The following STK17B variants were observed in gnomAD, a reference collection of about 807,000 sequenced individuals.
The protein encoded by STK17B is serine/threonine-protein kinase 17B.
Under a neutral mutation model 42.0 loss-of-function variants are expected in STK17B, and 21 were observed. The ratio of observed to expected loss-of-function variants is 0.50; its 90% CI spans 0.35 to 0.72. The LOEUF (loss-of-function observed/expected upper bound fraction) is 0.72. Among genes scored for constraint, STK17B ranks in the 30% least tolerant of loss-of-function variants. The pLI, the probability that STK17B is intolerant of heterozygous loss-of-function variation, is 0.00. For missense variants in STK17B, 349 were observed against 446.0 expected, an observed-to-expected ratio of 0.78 and a Z score of 1.96; for synonymous variants, 143 against 148.4, an observed-to-expected ratio of 0.96 and a Z score of 0.26.
intron 3 of STK17B, among the ~76,000 whole-genome samples, chr2:196,152,846 T>C (rs543385069): frequency 1.3e-5 from 2 of 152,248 alleles, no homozygotes; most frequent in South Asian, 2.1e-4. Flanking sequence ...ATAGGTATGG[T>C]TGGAAGAGAG....
At chr2:196,171,717 G>T, upstream of STK17B, 1 of 151,304 alleles carries the variant, frequency 6.6e-6, no homozygotes, top group South Asian at 1.8e-4. Flanking sequence ...GCGCGTGTGC[G>T]GGGCGGGGCC....
At position 196,139,357 on chromosome 2, in the gene STK17B, T is replaced by C. The variant is rs187259742; in HGVS notation, c.836+263A>G. On this transcript the variant is annotated intron_variant, in intron 7 of 7. Coordinates refer to ENST00000263955, the MANE Select transcript of STK17B (RefSeq NM_004226.4). ...TTCTATGACTAATTATTTTAGGTAA[T>C]TTCAGGGATTAGTAGTGGTTTGTGA... is the stretch of plus-strand genomic sequence containing the variant. Among the ~76,000 whole-genome samples the C allele has an allele frequency of 2.0e-3, 308 of 152,336 alleles. 1 individual carries two copies. The highest frequency in any genetic ancestry group is 6.9e-3 in the African/African-American group (288 of 41,566).
chr2:196,155,693 T>C (rs1252684043), intron 3 of STK17B, among the ~76,000 whole-genome samples: 2 of 152,186 alleles, frequency 1.3e-5, no homozygotes, highest in Admixed American at 1.3e-4. Context: ...GTTGCAGATG[T>C]TCAAACACAT....
At chr2:196,148,865 C>G (rs563940398) in intron 3 of STK17B, among the ~76,000 whole-genome samples, 2 of 152,212 alleles carry the variant, frequency 1.3e-5, no homozygotes, top group East Asian at 1.9e-4. Context: ...ATTCCCAGTG[C>G]CTAGGAAGAG....
chr2:196,162,352 G>A (rs1468083664), intron 2 of STK17B, among the ~76,000 whole-genome samples: 1 of 150,364 alleles, frequency 6.7e-6, no homozygotes, highest in Non-Finnish European at 1.5e-5. Context: ...TATGAAATAT[G>A]AATTCATTCT....
chr2:196,172,166 G>C (rs776491624), upstream of STK17B, among the ~76,000 whole-genome samples: 1 of 152,222 alleles, frequency 6.6e-6, no homozygotes, highest in Non-Finnish European at 1.5e-5. Flanking sequence ...AACGTCCGCT[G>C]TCGCGAATGG....
At chr2:196,155,082 T>C (rs907153308) in intron 3 of STK17B, among the ~76,000 whole-genome samples, 10 of 152,188 alleles carry the variant, frequency 6.6e-5, no homozygotes, top group South Asian at 2.1e-4. Flanking sequence ...TTTATGAAAA[T>C]AGTCAATGTT....
chr2:196,144,719 G>A (rs150539672), intron 4 of STK17B, among the ~76,000 whole-genome samples: 69 of 152,060 alleles, frequency 4.5e-4, no homozygotes, highest in Middle Eastern at 6.8e-3. Flanking sequence ...CTAAAACCAC[G>A]TGACTTTGCT....
At chr2:196,175,163 AC>A (rs1181751071), upstream of STK17B, among the ~76,000 whole-genome samples, 1 of 151,992 alleles carries the variant, frequency 6.6e-6, no homozygotes, top group African/African-American at 2.4e-5. Context: ...AATTATTGAG[AC>A]ATTTTACTTC....
Position 196,136,598 on chromosome 2 carries a change from A to G in STK17B, c.*849T>C, listed in dbSNP as rs563496077. The G allele has an allele frequency of 1.3e-5, 2 of 152,210 alleles. No homozygotes were observed. The highest frequency in any genetic ancestry group is 4.1e-4 in the South Asian group (2 of 4,836). 9.4% of individuals were successfully genotyped at this position (152,210 alleles called of 1,614,324 possible). A position where few individuals can be genotyped will look rare whatever the true frequency, so the allele number is the denominator to read the frequency against. Reference sequence around the variant, plus strand: ...TCTGAGTGTGTCAACATTTTCTTCTATATTCAATTAATAAATATGTTTGAC... The same window carrying G: ...TCTGAGTGTGTCAACATTTTCTTCTGTATTCAATTAATAAATATGTTTGAC... On this transcript the variant is annotated 3_prime_UTR_variant, in exon 8 of 8. Coordinates refer to ENST00000263955, the MANE Select transcript of STK17B (RefSeq NM_004226.4).
At chr2:196,169,137 C>T (rs910700400) in intron 1 of STK17B, among the ~76,000 whole-genome samples, 5 of 139,630 alleles carry the variant, frequency 3.6e-5, no homozygotes, top group Admixed American at 3.1e-4. Context: ...AGTGCAGTGG[C>T]GTGATCTCGG....
intron 1 of STK17B, among the ~76,000 whole-genome samples, chr2:196,163,687 T>C (rs951062460): frequency 6.6e-6 from 1 of 152,112 alleles, no homozygotes; most frequent in Non-Finnish European, 1.5e-5. Context: ...ATAGTTATGA[T>C]AAAATTATAA....
chr2:196,165,503 T>G (rs759611914), intron 1 of STK17B: 1 of 152,246 alleles, frequency 6.6e-6, no homozygotes, highest in South Asian at 2.1e-4. Flanking sequence ...ATATTAGACA[T>G]AGCCCCTTCT....
At chr2:196,150,478 C>T (rs1424766584) in intron 3 of STK17B, among the ~76,000 whole-genome samples, 1 of 152,190 alleles carries the variant, frequency 6.6e-6, no homozygotes, top group Non-Finnish European at 1.5e-5. Flanking sequence ...TCTAGCTCTA[C>T]ATCTGTCTTT....
At chr2:196,152,467 C>G (rs759610535) in intron 3 of STK17B, among the ~76,000 whole-genome samples, 1 of 152,172 alleles carries the variant, frequency 6.6e-6, no homozygotes, top group Admixed American at 6.5e-5. Flanking sequence ...TTGACAACAT[C>G]TAATAAAACT....
chr2:196,139,792 C>A lies in STK17B; in HGVS notation c.664G>T (p.Gly222Cys). The A allele has an allele frequency of 1.5e-6, 2 of 1,369,302 alleles. No homozygotes were observed. Among genetic ancestry groups the A allele is most frequent in the Middle Eastern group, 2.0e-4 (1 of 5,122 alleles). 84.8% of individuals were successfully genotyped at this position (1,369,302 alleles called of 1,614,324 possible). ...GTTAACAACATATATGCTATTATAC[C>A]AATATTCCTGAAAAACAAGGGAGGG... The part of the protein sequence containing the change: ...ITTATDMWNI[G>C]IIAYMLLTHT... Residue 222 changes from glycine to cysteine, a missense_variant, in exon 7 of 8, where the codon GGT becomes TGT. Physicochemically the swap from Gly to Cys is radical, Grantham distance 159 (BLOSUM62 -3). This residue lies in a region of STK17B where 256 missense variants were observed against 347.7 expected (regional missense o/e 0.74). Transcript: ENST00000263955.
At chr2:196,146,366 T>A (rs1432738158) in intron 3 of STK17B, among the ~76,000 whole-genome samples, 1 of 152,008 alleles carries the variant, frequency 6.6e-6, no homozygotes, top group Non-Finnish European at 1.5e-5. Flanking sequence ...TAGCTGGGTG[T>A]GATGGCAGGT....
intron 3 of STK17B, among the ~76,000 whole-genome samples, chr2:196,146,789 C>A (rs887365652): frequency 2.0e-5 from 3 of 151,984 alleles, no homozygotes; most frequent in South Asian, 2.1e-4. Flanking sequence ...GTTACTACAC[C>A]CATTTTACAG....
chr2:196,133,634 G>A lies in STK17B; in HGVS notation c.*3813C>T, dbSNP rs754598676. 3 of 152,180 alleles carry A rather than the reference G, an allele frequency of 2.0e-5. No homozygotes were observed. Among genetic ancestry groups the A allele is most frequent in the Non-Finnish European group, 4.4e-5 (3 of 68,018 alleles). 9.4% of individuals were successfully genotyped at this position (152,180 alleles called of 1,614,324 possible). A position where few individuals can be genotyped will look rare whatever the true frequency, so the allele number is the denominator to read the frequency against. On this transcript the variant is annotated 3_prime_UTR_variant, in exon 8 of 8. Transcript: ENST00000263955. ...ACAAAGAGGGTTCATAGATGACCTA[G>A]GTCAAAGGCTAGAACATGCAGACAT...
Sources: allele counts gnomAD v4.1 joint callset (sites outside exome capture counted in the v4.1 genomes callset), GRCh38; gene constraint gnomAD v4.1.1; regional missense constraint gnomAD v4.1.1; transcripts MANE v1.5; gene names NCBI Gene and HGNC (gene_info 2026-07-23, HGNC 2026-07-21).